The following SYNE1 variants were observed in gnomAD, a reference collection of about 807,000 sequenced individuals.
SYNE1 encodes spectrin repeat containing nuclear envelope protein 1.
SYNE1 carries 616 observed loss-of-function variants against 1,111.0 expected under a neutral mutation model. The observed-to-expected ratio is 0.55, with a 90% CI of 0.52 to 0.59. The LOEUF (loss-of-function observed/expected upper bound fraction) is 0.59, where lower values mean the gene tolerates loss of function less well. Ranked by LOEUF, SYNE1 falls within the 20% of genes least tolerant of loss-of-function variation. The pLI is 0.00. For synonymous variants in SYNE1, 3,855 were observed against 3,825.8 expected (o/e 1.01, Z -0.28); for missense variants, 10,006 against 10,417.0 (o/e 0.96, Z 1.72).
chr6:152,282,089 T>C, intron 96 of SYNE1, 109 bp from the exon 97 acceptor site: 2 of 1,149,380 alleles, frequency 1.7e-6, no homozygotes, highest in Non-Finnish European at 2.5e-6. Context: ...GAATCACTGG[T>C]AAAACTTTTA....
At chr6:152,128,233 T>A (rs1562865879) in intron 145 of SYNE1, 1 of 152,212 alleles carries the variant, frequency 6.6e-6, no homozygotes, top group Non-Finnish European at 1.5e-5. Context: ...GAAAGCATGC[T>A]TCTAAAGTGT....
intron 15 of SYNE1, 178 bp from the exon 16 acceptor site, chr6:152,471,943 G>T: frequency 1.5e-6 from 1 of 665,978 alleles, no homozygotes; most frequent in Non-Finnish European, 2.5e-6. Flanking sequence ...AGCAAAGCAT[G>T]AATGATTGAA....
intron 25 of SYNE1, chr6:152,453,330 TAA>T: frequency 1.7e-6 from 1 of 601,542 alleles, no homozygotes; most frequent in Non-Finnish European, 2.9e-6. Flanking sequence ...CACCCTGGAT[TAA>T]AAAAAAATCA....
At chr6:152,382,481 T>C (rs2097437424) in intron 55 of SYNE1, among the ~76,000 whole-genome samples, 1 of 152,168 alleles carries the variant, frequency 6.6e-6, no homozygotes, top group South Asian at 2.1e-4. Context: ...TTATATACAA[T>C]AGAGCCATAT....
At chr6:152,498,446 T>C (rs557439082) in intron 11 of SYNE1, among the ~76,000 whole-genome samples, 7 of 152,358 alleles carry the variant, frequency 4.6e-5, no homozygotes, top group African/African-American at 1.7e-4. Flanking sequence ...ACGTAGTTAC[T>C]GTAAGTCCTT....
At chr6:152,363,291 A>C (rs374360268) in intron 63 of SYNE1, among the ~76,000 whole-genome samples, 6 of 148,278 alleles carry the variant, frequency 4.0e-5, no homozygotes, top group Admixed American at 1.3e-4. Context: ...TCAGGAGATC[A>C]AGGCCATCCT....
intron 104 of SYNE1, among the ~76,000 whole-genome samples, chr6:152,254,619 A>G (rs2090384558): frequency 6.6e-6 from 1 of 152,142 alleles, no homozygotes; most frequent in African/African-American, 2.4e-5. Flanking sequence ...AATTATAATG[A>G]TCCATAAATT....
At chr6:152,604,601 TC>T (rs2128697331) in intron 3 of SYNE1, among the ~76,000 whole-genome samples, 1 of 152,104 alleles carries the variant, frequency 6.6e-6, no homozygotes, top group South Asian at 2.1e-4. Flanking sequence ...ACTGTGCCCA[TC>T]CCAGCTATTT....
At chr6:152,215,104 A>T in intron 121 of SYNE1, 44 bp from the exon 122 acceptor site, 2 of 1,610,974 alleles carry the variant, frequency 1.2e-6, no homozygotes, top group Non-Finnish European at 1.7e-6. Flanking sequence ...ATGGTCAAAA[A>T]AGTCAAAACT....
At chr6:152,194,165 C>T (rs2073445908) in intron 127 of SYNE1, among the ~76,000 whole-genome samples, 1 of 152,114 alleles carries the variant, frequency 6.6e-6, no homozygotes, top group Non-Finnish European at 1.5e-5. Flanking sequence ...TGAAGAACTC[C>T]TTTTAGTACT....
chr6:152,463,239 C>G, intron 19 of SYNE1, 114 bp downstream of exon 19: 1 of 1,443,784 alleles, frequency 6.9e-7, no homozygotes, highest in Non-Finnish European at 9.7e-7. Context: ...TTAAACATAT[C>G]TATGCTTTGC....
chr6:152,355,402 C>T (rs2096819653), intron 66 of SYNE1, among the ~76,000 whole-genome samples: 1 of 152,124 alleles, frequency 6.6e-6, no homozygotes, highest in Non-Finnish European at 1.5e-5. Context: ...AAACAATGAA[C>T]CTTCTGCTTC....
Position 152,224,620 on chromosome 6 carries a change from C to G in SYNE1, c.21396G>C (p.Trp7132Cys). 1.2e-6 allele frequency: 2 copies of G among 1,613,876 alleles called. No individual in the cohort carries two copies. The highest frequency in any genetic ancestry group is 1.7e-6 in the Non-Finnish European group (2 of 1,179,960). The change falls in exon 117 of 146, where the codon TGG becomes TGC. Residue 7132 changes from tryptophan (W) to cysteine (C), a missense_variant. Physicochemically the swap from Trp to Cys is radical, Grantham distance 215. Coordinates refer to ENST00000367255, the MANE Select transcript of SYNE1 (RefSeq NM_182961.4). ...KILLKSVLDQ[W>C]SSHKVAFDKI... The stretch of plus-strand genomic sequence containing the variant: ...TGTCAAAGGCCACTTTGTGACTACT[C>G]CATTGGTCAAGCACTGATTTCAGCA...
rs2306916 is a variant in SYNE1 at position 152,326,546 on chromosome 6, A to T, written c.15043T>A (p.Leu5015Met). ...AGGCCATTGCCTGCCAGCTGTAACA[A>T]TTCTTGGGCATCCTCAAGCCAGTCA... ...ANDWLEDAQE[L>M]LQLAGNGLDV... Residue 5015 changes from leucine (L) to methionine (M), a missense_variant, in exon 79 of 146, where the codon TTG becomes ATG. Leu to Met is a conservative substitution (Grantham distance 15). Transcript: ENST00000367255. The T allele has an allele frequency of 0.77, 1,236,382 of 1,614,054 alleles. 476,515 individuals carry two copies. Among genetic ancestry groups the T allele is most frequent in the African/African-American group, 0.93 (69,998 of 75,032 alleles).
intron 3 of SYNE1, among the ~76,000 whole-genome samples, chr6:152,609,514 C>A (rs1265552858): frequency 1.3e-5 from 2 of 152,186 alleles, no homozygotes. Flanking sequence ...AGACCTACTG[C>A]CTCTGTAGAC....
intron 3 of SYNE1, among the ~76,000 whole-genome samples, chr6:152,607,138 C>G (rs1275379529): frequency 6.6e-6 from 1 of 151,208 alleles, no homozygotes; most frequent in African/African-American, 2.4e-5. Context: ...GCACCAGCCA[C>G]CACGCCTGGC....
At chr6:152,211,931 T>A (rs1192776162) in intron 123 of SYNE1, among the ~76,000 whole-genome samples, 1 of 152,124 alleles carries the variant, frequency 6.6e-6, no homozygotes, top group African/African-American at 2.4e-5. Flanking sequence ...ATTCAAAACT[T>A]AGAGAATAGC....
At chr6:152,541,204 AT>A (rs1317839217) in intron 3 of SYNE1, among the ~76,000 whole-genome samples, 1 of 152,186 alleles carries the variant, frequency 6.6e-6, no homozygotes, top group Non-Finnish European at 1.5e-5. Context: ...GAATCTGTAG[AT>A]TGCTTTGGGC....
rs747410931 is a variant in SYNE1, at chr6:152,330,143, G to C, written c.14542C>G (p.Pro4848Ala). Residue 4848 changes from proline to alanine, a missense_variant, in exon 78 of 146, where the codon CCC (proline) becomes GCC (alanine). This residue lies in a region of SYNE1 where 4,955 missense variants were observed against 5,017.2 expected (regional missense o/e 0.99). Coordinates refer to ENST00000367255, the MANE Select transcript of SYNE1 (RefSeq NM_182961.4). ...TGCCTGGCTTTCTCATAAGCCAAGG[G>C]GTCAAGGTGTGGGGCAAGATCTTCA... Reference protein sequence around the residue: ...HLEDLAPHLDPLAYEKARHQI... With the variant: ...HLEDLAPHLDALAYEKARHQI... 2 of 1,614,182 alleles carry C rather than the reference G, an allele frequency of 1.2e-6. No homozygotes were observed. The highest frequency in any genetic ancestry group is 1.7e-6 in the Non-Finnish European group (2 of 1,180,032).
Sources: allele counts gnomAD v4.1 joint callset (sites outside exome capture counted in the v4.1 genomes callset), GRCh38; gene constraint gnomAD v4.1.1; regional missense constraint gnomAD v4.1.1; transcripts MANE v1.5; gene names NCBI Gene and HGNC (gene_info 2026-07-23, HGNC 2026-07-21).